The following ALK variants were observed in gnomAD, a reference collection of about 807,000 sequenced individuals.
The protein encoded by ALK is ALK tyrosine kinase receptor.
Under a neutral mutation model 163.1 loss-of-function variants are expected in ALK, and 74 were observed. The observed-to-expected ratio is 0.45, with a 90% CI of 0.38 to 0.55. The LOEUF (loss-of-function observed/expected upper bound fraction) is 0.55, where lower values mean the gene tolerates loss of function less well. Among genes scored for constraint, ALK ranks in the 20% least tolerant of loss-of-function variants. ALK has a pLI of 0.00. For missense variants in ALK, 2,063 were observed against 2,105.3 expected (o/e 0.98, Z 0.39); for synonymous variants, 960 against 843.2 (o/e 1.14, Z -2.40).
chr2:29,300,019 T>C (rs1016942442), intron 8 of ALK, among the ~76,000 whole-genome samples: 2 of 152,198 alleles, frequency 1.3e-5, no homozygotes, highest in Non-Finnish European at 2.9e-5. Flanking sequence ...GCTGCTCTGA[T>C]GGCAGAACAA....
At chr2:29,603,453 T>C (rs1675433608) in intron 3 of ALK, among the ~76,000 whole-genome samples, 1 of 152,214 alleles carries the variant, frequency 6.6e-6, no homozygotes, top group Admixed American at 6.5e-5. Flanking sequence ...TAGTATCTTA[T>C]TACTACAAAG....
intron 1 of ALK, among the ~76,000 whole-genome samples, chr2:29,766,728 T>C (rs1427410980): frequency 6.6e-6 from 1 of 152,224 alleles, no homozygotes; most frequent in Non-Finnish European, 1.5e-5. Context: ...TGAAGCTTAA[T>C]AAATGATTGT....
chr2:29,691,227 A>G (rs746895777), intron 3 of ALK, among the ~76,000 whole-genome samples: 1 of 152,176 alleles, frequency 6.6e-6, no homozygotes, highest in Non-Finnish European at 1.5e-5. Context: ...GAAGCAGTGG[A>G]TTTTCTGGGA....
At chr2:29,220,921 C>A (rs1669785406) in intron 22 of ALK, 86 bp from the exon 23 acceptor site, 2 of 1,572,938 alleles carry the variant, frequency 1.3e-6, no homozygotes, top group African/African-American at 2.7e-5. Flanking sequence ...TACAAAGTTA[C>A]ATTTTCAGCA....
chr2:29,339,031 T>C (rs781302576), intron 5 of ALK, among the ~76,000 whole-genome samples: 6 of 151,932 alleles, frequency 3.9e-5, no homozygotes, highest in Non-Finnish European at 8.8e-5. Flanking sequence ...TCACCTGAGG[T>C]GGGGAGTTCA....
In ALK at chr2:29,233,461, C is replaced by CGGGGATAAGA; in HGVS notation, c.2487+94_2487+103dup. On this transcript the variant is annotated intron_variant, in intron 14 of 28. Coordinates refer to ENST00000389048, the MANE Select transcript of ALK (RefSeq NM_004304.5). ...GTACCTGGCCCTGCTCATCTTTACA[C>CGGGGATAAGA]GGGGATAAGAGCATCTGAGGTGTTT... The CGGGGATAAGA allele has an allele frequency of 1.9e-6, 3 of 1,542,632 alleles. No homozygotes were observed. The South Asian group carries it at 3.4e-5, about 17-fold the overall frequency.
chr2:29,617,794 C>G (rs1247519876), intron 3 of ALK, among the ~76,000 whole-genome samples: 3 of 152,186 alleles, frequency 2.0e-5, no homozygotes, highest in African/African-American at 7.2e-5. Flanking sequence ...CCTCGCCATT[C>G]TAACAAGTGT....
rs34706620 is a variant in ALK at position 29,844,859 on chromosome 2, GCACACA to G, written c.667+75128_667+75133del. ...TCACCTTCACCCTGATAACCCCCCT[GCACACA>G]CACACACACACACACACACACACAG... On this transcript the variant is annotated intron_variant, in intron 1 of 28. Coordinates refer to ENST00000389048, the MANE Select transcript of ALK (RefSeq NM_004304.5). Among the ~76,000 whole-genome samples the G allele has an allele frequency of 3.8e-3, 571 of 148,732 alleles. 4 individuals are homozygous for G. Among genetic ancestry groups the G allele is most frequent in the African/African-American group, 0.011 (443 of 40,434 alleles).
intron 19 of ALK, chr2:29,224,567 C>T (rs963790525): frequency 4.3e-6 from 1 of 229,892 alleles, no homozygotes. Context: ...TGGGTAGATT[C>T]TGTGTGTAAA....
chr2:29,615,060 C>T (rs1007042930), intron 3 of ALK, among the ~76,000 whole-genome samples: 1 of 152,168 alleles, frequency 6.6e-6, no homozygotes, highest in African/African-American at 2.4e-5. Flanking sequence ...CTCAAGCAAT[C>T]CACCTGCCCC....
intron 4 of ALK, among the ~76,000 whole-genome samples, chr2:29,418,298 G>C (rs373034045): frequency 6.6e-6 from 1 of 152,138 alleles, no homozygotes; most frequent in East Asian, 1.9e-4. Context: ...ACTCCTTGGG[G>C]ATCCTGGGAC....
chr2:29,688,540 T>C (rs1231428492), intron 3 of ALK, among the ~76,000 whole-genome samples: 2 of 152,198 alleles, frequency 1.3e-5, no homozygotes, highest in African/African-American at 4.8e-5. Flanking sequence ...TTAGAAACCA[T>C]TAACTTAAAG....
chr2:29,711,664 G>A (rs1185505866), intron 2 of ALK, among the ~76,000 whole-genome samples: 1 of 152,164 alleles, frequency 6.6e-6, no homozygotes, highest in Non-Finnish European at 1.5e-5. Context: ...GGGAAGTCAA[G>A]ACTGAAGCAA....
chr2:29,403,276 T>TC lies in ALK; in HGVS notation c.1155-19418dup, dbSNP rs1229944338. Among the ~76,000 whole-genome samples, 6 of 152,280 alleles carry TC rather than the reference T, an allele frequency of 3.9e-5. No individual in the cohort carries two copies. The East Asian group carries it at 9.7e-4, about 25-fold the overall frequency. ...TTTGGCACTTTTATCTGAGATGCCT[T>TC]CCAGATGGGCAAGACTTACTCACTA... On this transcript the variant is annotated intron_variant, in intron 4 of 28. Transcript: ENST00000389048.
intron 1 of ALK, among the ~76,000 whole-genome samples, chr2:29,761,904 TG>T (rs983136936): frequency 1.3e-4 from 20 of 152,232 alleles, no homozygotes; most frequent in African/African-American, 4.6e-4. Context: ...CTAATTTAGA[TG>T]GTTTATTTAA....
At chr2:29,388,185 G>A (rs1669079015) in intron 4 of ALK, among the ~76,000 whole-genome samples, 1 of 152,212 alleles carries the variant, frequency 6.6e-6, no homozygotes. Context: ...CTGATACAAG[G>A]CAAGCCGCTG....
chr2:29,570,704 G>A (rs370444854), intron 3 of ALK, among the ~76,000 whole-genome samples: 2 of 152,134 alleles, frequency 1.3e-5, no homozygotes, highest in African/African-American at 2.4e-5. Context: ...TAGACGTTTC[G>A]CTCTCTCGAC....
chr2:29,744,073 A>G (rs1044776275), intron 1 of ALK, among the ~76,000 whole-genome samples: 1 of 152,100 alleles, frequency 6.6e-6, no homozygotes, highest in Non-Finnish European at 1.5e-5. Context: ...AAAATACCTA[A>G]ATCTTGCAAC....
At chr2:29,605,802 G>C (rs1420805655) in intron 3 of ALK, among the ~76,000 whole-genome samples, 2 of 152,158 alleles carry the variant, frequency 1.3e-5, no homozygotes, top group Non-Finnish European at 2.9e-5. Context: ...CCAGCTTACT[G>C]GCACATCTGA....
Sources: gnomAD v4.1 joint callset for allele counts (sites outside exome capture counted in the v4.1 genomes callset) on GRCh38, gnomAD v4.1.1 for gene constraint, MANE v1.5 for transcripts, NCBI Gene and HGNC (gene_info 2026-07-23, HGNC 2026-07-21) for gene names.